The following SOX5 variants were observed in gnomAD, a reference collection of about 807,000 sequenced individuals.
SOX5 encodes the protein transcription factor SOX-5.
A neutral mutation model predicts 92.0 loss-of-function variants in SOX5; 9 were observed. The ratio of observed to expected loss-of-function variants is 0.10; its 90% confidence interval spans 0.06 to 0.17. The LOEUF (loss-of-function observed/expected upper bound fraction) is 0.17. Ranked by LOEUF, SOX5 falls within the 10% of genes least tolerant of loss-of-function variation. SOX5 has a pLI of 1.00. For missense variants in SOX5, 642 were observed against 944.5 expected (o/e 0.68, Z 4.20); for synonymous variants, 344 against 336.3 (o/e 1.02, Z -0.25).
At chr12:23,776,076 T>C (rs1185663031) in intron 3 of SOX5, among the ~76,000 whole-genome samples, 3 of 152,310 alleles carry the variant, frequency 2.0e-5, no homozygotes, top group Non-Finnish European at 2.9e-5. Context: ...AATTAAGTAA[T>C]GCTAATAAAT....
At chr12:23,771,722 T>C (rs906722169) in intron 3 of SOX5, among the ~76,000 whole-genome samples, 1 of 152,222 alleles carries the variant, frequency 6.6e-6, no homozygotes, top group Non-Finnish European at 1.5e-5. Context: ...ACAGGAGTTC[T>C]GCTTCTCTCG....
intron 1 of SOX5, among the ~76,000 whole-genome samples, chr12:23,924,806 G>A (rs1939479054): frequency 6.6e-6 from 1 of 151,686 alleles, no homozygotes; most frequent in Admixed American, 6.6e-5. Context: ...CTTCAACAAG[G>A]TCAGTATTTT....
chr12:24,426,342 G>T (rs1340770295), intron 1 of SOX5, among the ~76,000 whole-genome samples: 1 of 152,162 alleles, frequency 6.6e-6, no homozygotes, highest in African/African-American at 2.4e-5. Flanking sequence ...GATAGCATTA[G>T]GAGAAATACC....
intron 1 of SOX5, among the ~76,000 whole-genome samples, chr12:24,433,190 G>T (rs892154391): frequency 5.9e-5 from 9 of 152,114 alleles, no homozygotes; most frequent in Non-Finnish European, 1.3e-4. Flanking sequence ...AAATAAAAGA[G>T]GGCTGAAAAT....
chr12:24,039,688 G>C, intron 4 of SOX5, among the ~76,000 whole-genome samples: 1 of 151,978 alleles, frequency 6.6e-6, no homozygotes, highest in East Asian at 1.9e-4. Flanking sequence ...TAAAAATTTT[G>C]TCCATATCCT....
chr12:24,557,477 T>G (rs1277545512), intron 1 of SOX5, among the ~76,000 whole-genome samples: 1 of 151,416 alleles, frequency 6.6e-6, no homozygotes, highest in Non-Finnish European at 1.5e-5. Context: ...TAAGTTCAGA[T>G]CTCTAAATAA....
intron 7 of SOX5, among the ~76,000 whole-genome samples, chr12:23,659,184 C>T (rs887110064): frequency 2.0e-5 from 3 of 152,082 alleles, no homozygotes; most frequent in Non-Finnish European, 4.4e-5. Context: ...GAACTCTTTG[C>T]ATAAGAGATA....
In SOX5 at chr12:23,965,764, G is replaced by A. The variant is rs969942184; in HGVS notation, c.-1-69740C>T. On this transcript the variant is annotated intron_variant, in intron 4 of 4. Coordinates refer to the SOX5 transcript ENST00000446891. ...CTCCCTAGTAGCTGGGACTACAGGCGTGCACCACCATGCCTGGCTAATTTT... is the reference window on the plus strand; with the variant it reads ...CTCCCTAGTAGCTGGGACTACAGGCATGCACCACCATGCCTGGCTAATTTT... Among the ~76,000 whole-genome samples the A allele has an allele frequency of 3.3e-5, 5 of 152,030 alleles. No homozygotes were observed. The East Asian group carries it at 5.8e-4, about 18-fold the overall frequency.
chr12:23,737,566 T>A (rs918581750), intron 5 of SOX5, among the ~76,000 whole-genome samples: 1 of 152,096 alleles, frequency 6.6e-6, no homozygotes, highest in African/African-American at 2.4e-5. Flanking sequence ...ATATGTATAG[T>A]CATGCTAGTC....
chr12:23,701,540 T>C (rs977220712), intron 6 of SOX5, among the ~76,000 whole-genome samples: 3 of 152,024 alleles, frequency 2.0e-5, no homozygotes, highest in African/African-American at 7.2e-5. Context: ...TCAAAGACAG[T>C]CTTTATTTCC....
At chr12:23,604,269 T>C in intron 9 of SOX5, 118 bp downstream of exon 9, 2 of 1,025,678 alleles carry the variant, frequency 1.9e-6, no homozygotes, top group South Asian at 1.5e-5. Flanking sequence ...ACTTGATTCT[T>C]ACCTCCTTGT....
At chr12:23,991,215 T>C (rs996004975) in intron 4 of SOX5, among the ~76,000 whole-genome samples, 2 of 150,558 alleles carry the variant, frequency 1.3e-5, no homozygotes, top group Non-Finnish European at 3.0e-5. Context: ...CTTTAAAAAT[T>C]AGCCAGGCAT....
chr12:24,284,756 C>T (rs1945648693), intron 2 of SOX5, among the ~76,000 whole-genome samples: 1 of 152,076 alleles, frequency 6.6e-6, no homozygotes, highest in Non-Finnish European at 1.5e-5. Flanking sequence ...TTTTGCTGTT[C>T]CTGAAGCCTA....
chr12:24,437,604 C>A lies in SOX5; in HGVS notation c.-250-68965G>T, dbSNP rs532366998. On this transcript the variant is annotated intron_variant, in intron 1 of 4. Transcript: ENST00000446891. ...CAAATTTACAAGAAAAAACAAACAA[C>A]CCCATCAAAAAGTGGGTGAAGGATA... Among the ~76,000 whole-genome samples, 5 of 152,248 alleles carry A rather than the reference C, an allele frequency of 3.3e-5. No homozygotes were observed. The East Asian group carries it at 7.7e-4, about 23-fold the overall frequency.
intron 1 of SOX5, among the ~76,000 whole-genome samples, chr12:24,449,744 G>C (rs1232513832): frequency 1.3e-5 from 2 of 152,130 alleles, no homozygotes; most frequent in Non-Finnish European, 2.9e-5. Context: ...GAAGTAATAA[G>C]AACCATCTTC....
At chr12:24,344,754 A>C (rs1263661392) in intron 2 of SOX5, among the ~76,000 whole-genome samples, 1 of 152,218 alleles carries the variant, frequency 6.6e-6, no homozygotes, top group East Asian at 1.9e-4. Context: ...AAGGTCAAAA[A>C]AGCTTCAGAC....
intron 3 of SOX5, among the ~76,000 whole-genome samples, chr12:23,838,846 G>GCGGT (rs1555374990): frequency 1.0e-5 from 1 of 95,782 alleles, no homozygotes; most frequent in African/African-American, 3.8e-5. Flanking sequence ...TTTTTTTTGG[G>GCGGT]GGGGGGGGGC....
chr12:24,339,450 A>T (rs1952324607), intron 2 of SOX5, among the ~76,000 whole-genome samples: 1 of 152,162 alleles, frequency 6.6e-6, no homozygotes, highest in South Asian at 2.1e-4. Flanking sequence ...TAGAAAAAGC[A>T]AAAAATATAA....
chr12:24,197,987 A>G (rs1360401511), intron 4 of SOX5, among the ~76,000 whole-genome samples: 1 of 152,214 alleles, frequency 6.6e-6, no homozygotes, highest in Non-Finnish European at 1.5e-5. Flanking sequence ...TGAGGATAAT[A>G]GTGATACCCA....
Sources: gnomAD v4.1 joint callset for allele counts (sites outside exome capture counted in the v4.1 genomes callset) on GRCh38, gnomAD v4.1.1 for gene constraint, MANE v1.5 for transcripts, NCBI Gene and HGNC (gene_info 2026-07-23, HGNC 2026-07-21) for gene names.